Variants in DNAH8 observed in about 807,000 individuals in gnomAD.
The protein encoded by DNAH8 is axonemal beta dynein heavy chain 8.
In DNAH8, 382 loss-of-function variants were observed where a neutral mutation model predicts 562.1. The observed-to-expected ratio is 0.68, with a 90% CI of 0.63 to 0.74. The LOEUF is 0.74. DNAH8 is among the 30% of genes least tolerant of loss of function. The pLI is 0.00. For missense variants in DNAH8, 5,203 were observed against 5,620.4 expected (o/e 0.93, Z 2.37); for synonymous variants, 1,881 against 1,919.4 (o/e 0.98, Z 0.52).
chr6:38,882,116 G>C (rs1481056853), intron 53 of DNAH8, among the ~76,000 whole-genome samples: 2 of 152,140 alleles, frequency 1.3e-5, no homozygotes, highest in African/African-American at 4.8e-5. Flanking sequence ...TAGTGGGAAT[G>C]TAAATTAGTG....
chr6:38,720,484 G>C (rs1649633134), intron 1 of DNAH8, among the ~76,000 whole-genome samples: 1 of 152,198 alleles, frequency 6.6e-6, no homozygotes, highest in African/African-American at 2.4e-5. Flanking sequence ...GCAGCAATCT[G>C]ATTGTTTACT....
chr6:39,012,146 GA>G, intron 89 of DNAH8, 68 bp from the exon 90 acceptor site: 1 of 1,141,556 alleles, frequency 8.8e-7, no homozygotes, highest in East Asian at 2.4e-5. Context: ...AATTGAGAAA[GA>G]AGAGGTTATT....
Position 38,911,572 on chromosome 6 carries a change from A to C in DNAH8, c.9845A>C (p.Glu3282Ala). The change falls in exon 66 of 93, where the codon GAA becomes GCA. Residue 3282 changes from glutamate (E) to alanine (A), a missense_variant. Coordinates refer to ENST00000327475, the MANE Select transcript of DNAH8 (RefSeq NM_001206927.2). Reference protein sequence around the residue: ...EKVKFINEQAERMNIGLDKLM... With the variant: ...EKVKFINEQAARMNIGLDKLM... ...GTGAAGTTCATTAATGAACAGGCTG[A>C]ACGTATGAATATTGGTAAGAGGAAT... The C allele has an allele frequency of 6.3e-7, 1 of 1,599,126 alleles. No individual in the cohort carries two copies. The highest frequency in any genetic ancestry group is 2.2e-5 in the East Asian group (1 of 44,804).
Position 38,872,667 on chromosome 6 carries a change from G to A in DNAH8, c.7122G>A (p.Met2374Ile). 1 of 1,614,090 alleles carries A rather than the reference G, an allele frequency of 6.2e-7. No homozygotes were observed. The highest frequency in any genetic ancestry group is 8.5e-7 in the Non-Finnish European group (1 of 1,179,978). ...ECGRPHREMR[M>I]NPKAITAPQM... is the part of the protein sequence containing the mutation. ...GAAGGCCTCATAGAGAAATGCGAATGAATCCAAAAGCCATTACTGCACCTC... is the reference window on the plus strand; with the variant it reads ...GAAGGCCTCATAGAGAAATGCGAATAAATCCAAAAGCCATTACTGCACCTC... The change falls in exon 50 of 93, where the codon ATG (methionine) becomes ATA (isoleucine). Residue 2374 changes from methionine to isoleucine, a missense_variant. Coordinates refer to ENST00000327475, the MANE Select transcript of DNAH8 (RefSeq NM_001206927.2).
chr6:38,949,128 C>G (rs1583435018), intron 80 of DNAH8, among the ~76,000 whole-genome samples: 1 of 151,578 alleles, frequency 6.6e-6, no homozygotes, highest in South Asian at 2.1e-4. Flanking sequence ...GCACCCCCCA[C>G]AAAAAAAATT....
chr6:38,749,557 A>G (rs1582898121), intron 8 of DNAH8, among the ~76,000 whole-genome samples: 1 of 151,910 alleles, frequency 6.6e-6, no homozygotes, highest in South Asian at 2.1e-4. Flanking sequence ...AAAAAAGACA[A>G]TGTCTAATTA....
chr6:38,804,755 C>G (rs1427612456), intron 22 of DNAH8, among the ~76,000 whole-genome samples: 1 of 128,160 alleles, frequency 7.8e-6, no homozygotes, highest in Admixed American at 7.7e-5. Context: ...AGTGACATAG[C>G]AAGAAGAGAG....
At chr6:38,881,812 A>G (rs1778517123) in intron 53 of DNAH8, among the ~76,000 whole-genome samples, 1 of 151,964 alleles carries the variant, frequency 6.6e-6, no homozygotes, top group South Asian at 2.1e-4. Context: ...CAGCCTCCCA[A>G]AGTGCTGGGT....
intron 88 of DNAH8, among the ~76,000 whole-genome samples, chr6:38,994,379 T>C (rs1764993192): frequency 6.6e-6 from 1 of 152,196 alleles, no homozygotes; most frequent in African/African-American, 2.4e-5. Context: ...GTCGTTTCGT[T>C]TTATTTTTAT....
intron 88 of DNAH8, among the ~76,000 whole-genome samples, chr6:39,002,604 A>G (rs904406617): frequency 6.6e-6 from 1 of 152,224 alleles, no homozygotes; most frequent in African/African-American, 2.4e-5. Flanking sequence ...GCATGTTTCA[A>G]CTTTTAAGAT....
At chr6:38,947,816 C>A (rs1761557079) in intron 80 of DNAH8, among the ~76,000 whole-genome samples, 1 of 151,598 alleles carries the variant, frequency 6.6e-6, no homozygotes, top group Admixed American at 6.6e-5. Flanking sequence ...GGCGCAATCT[C>A]AGCTCACTGC....
At chr6:38,861,952 T>A (rs145765617) in intron 43 of DNAH8, among the ~76,000 whole-genome samples, 1,926 of 151,194 alleles carry the variant, frequency 0.013, 43 homozygotes, top group African/African-American at 0.043. Context: ...AAACCAGGTT[T>A]TTTTTTTTTT....
intron 70 of DNAH8, among the ~76,000 whole-genome samples, chr6:38,920,148 C>T (rs2150552268): frequency 6.6e-6 from 1 of 152,186 alleles, no homozygotes; most frequent in South Asian, 2.1e-4. Context: ...GGGTTTCATT[C>T]TGGCCCCCAG....
Position 38,737,967 on chromosome 6 carries a change from G to T in DNAH8, c.1111G>T (p.Glu371Ter). 1 of 1,610,056 alleles carries T rather than the reference G, an allele frequency of 6.2e-7. No individual in the cohort carries two copies. Among genetic ancestry groups the T allele is most frequent in the South Asian group, 1.1e-5 (1 of 90,844 alleles). Reference protein sequence around the residue: ...EVLMVWYKQIEQVLIESEQMR... With the variant: ...EVLMVWYKQI ...GCTGATGGTATGGTACAAACAGATCGAACAGGTGAATTGACTCAAACAATT... is the reference window on the plus strand; with the variant it reads ...GCTGATGGTATGGTACAAACAGATCTAACAGGTGAATTGACTCAAACAATT... The change falls in exon 7 of 93, where the codon GAA (glutamate) becomes TAA (stop). Residue 371 changes from glutamate (E) to a stop codon, truncating the protein, a stop_gained. Transcript: ENST00000327475. LOFTEE classifies it high-confidence loss of function.
At chr6:38,831,281 T>C (rs1365236430) in intron 30 of DNAH8, among the ~76,000 whole-genome samples, 1 of 151,642 alleles carries the variant, frequency 6.6e-6, no homozygotes, top group African/African-American at 2.4e-5. Flanking sequence ...AAAAATTAGC[T>C]GGAAATGGCA....
At chr6:38,841,240 G>A (rs1180907365) in intron 33 of DNAH8, among the ~76,000 whole-genome samples, 1 of 151,950 alleles carries the variant, frequency 6.6e-6, no homozygotes, top group African/African-American at 2.4e-5. Context: ...CTAACATGAT[G>A]AGACCTCATC....
At position 38,750,062 on chromosome 6, in the gene DNAH8, G is replaced by GA. The variant is rs527309950; in HGVS notation, c.1294-413dup. Among the ~76,000 whole-genome samples the GA allele has an allele frequency of 7.1e-3, 1,076 of 152,320 alleles. 6 individuals carry two copies. Among genetic ancestry groups the GA allele is most frequent in the South Asian group, 0.027 (131 of 4,824 alleles). The stretch of plus-strand genomic sequence containing the variant: ...TTAGCTAGGATGGTCTCGATCTCCT[G>GA]ACCTTGTGATCCGCCCACCTTGGCT... On this transcript the variant is annotated intron_variant, in intron 8 of 92. Transcript: ENST00000327475.
At chr6:39,015,636 C>A (rs912937158) in intron 91 of DNAH8, among the ~76,000 whole-genome samples, 6 of 152,232 alleles carry the variant, frequency 3.9e-5, no homozygotes, top group Admixed American at 2.6e-4. Flanking sequence ...CCATGCAGAA[C>A]TGAGTCCATT....
In DNAH8 at chr6:38,807,665, A is replaced by C. The variant is rs926965495; in HGVS notation, c.3206A>C (p.Lys1069Thr). ...FSHQLLDSLQKATRLSLDTMK... is the reference protein window; with the variant it reads ...FSHQLLDSLQTATRLSLDTMK... ...CATCAATTACTAGACAGTCTTCAAA[A>C]AGCTACACGGTTATCTCTGGACACA... The change falls in exon 24 of 93, where the codon AAA (lysine) becomes ACA (threonine). Residue 1069 changes from lysine to threonine, a missense_variant. Transcript: ENST00000327475. 2 of 1,569,244 alleles carry C rather than the reference A, an allele frequency of 1.3e-6. No homozygotes were observed. Among genetic ancestry groups the C allele is most frequent in the East Asian group, 2.3e-5 (1 of 42,834 alleles).
Sources: gnomAD v4.1 joint callset for allele counts (sites outside exome capture counted in the v4.1 genomes callset) on GRCh38, gnomAD v4.1.1 for gene constraint, MANE v1.5 for transcripts, NCBI Gene and HGNC (gene_info 2026-07-23, HGNC 2026-07-21) for gene names.